The following KLHL13 variants were observed in gnomAD, a reference collection of about 807,000 sequenced individuals.
The protein encoded by KLHL13 is kelch-like protein 13.
KLHL13 carries 10 observed loss-of-function variants against 37.1 expected under a neutral mutation model. The observed-to-expected ratio is 0.27, with a 90% CI of 0.17 to 0.46. The LOEUF is 0.46. Ranked by LOEUF, KLHL13 falls within the 20% of genes least tolerant of loss-of-function variation. KLHL13 has a pLI of 1.00. For missense variants in KLHL13, 360 were observed against 509.3 expected, an observed-to-expected ratio of 0.71 and a Z score of 2.82; for synonymous variants, 163 against 181.2, an observed-to-expected ratio of 0.90 and a Z score of 0.81.
intron 1 of KLHL13, among the ~76,000 whole-genome samples, chrX:118,047,504 A>C (rs2054572094): frequency 8.9e-6 from 1 of 112,506 alleles, no homozygotes; most frequent in Non-Finnish European, 1.9e-5. Context: ...AAATAAGGAA[A>C]TAATATAAGC....
Position 117,915,799 on chromosome X carries a change from T to C in KLHL13, c.570+3722A>G, listed in dbSNP as rs142823895. ...CATAACAAAAGTTCCGTGGGGCAAA[T>C]GCTAGATGCTAAAAATTTCAAATTG... On this transcript the variant is annotated intron_variant, in intron 4 of 6. Coordinates refer to ENST00000262820, the Ensembl canonical transcript of KLHL13. Among the ~76,000 whole-genome samples the C allele has an allele frequency of 9.3e-3, 1,050 of 112,322 alleles. 16 individuals carry two copies. Among genetic ancestry groups the C allele is most frequent in the African/African-American group, 0.031 (974 of 30,982 alleles).
At chrX:117,956,380 C>A (rs1261350478) in intron 1 of KLHL13, among the ~76,000 whole-genome samples, 2 of 111,604 alleles carry the variant, frequency 1.8e-5, no homozygotes, top group Admixed American at 1.9e-4. Flanking sequence ...TGTAGAAACA[C>A]CATGTTCTCT....
chrX:118,101,204 C>T (rs2055283908), intron 1 of KLHL13, among the ~76,000 whole-genome samples: 1 of 111,413 alleles, frequency 9.0e-6, no homozygotes, highest in African/African-American at 3.3e-5. Context: ...ACAAAATTAC[C>T]CAGTCCTAGC....
intron 1 of KLHL13, among the ~76,000 whole-genome samples, chrX:118,035,658 A>T (rs1198945635): frequency 1.8e-5 from 2 of 110,970 alleles, no homozygotes; most frequent in Non-Finnish European, 3.8e-5. Context: ...CAAAAACTGG[A>T]AGCATTCCTT....
chrX:118,093,648 T>G (rs1184548879), intron 1 of KLHL13, among the ~76,000 whole-genome samples: 1 of 111,893 alleles, frequency 8.9e-6, no homozygotes, highest in East Asian at 2.8e-4. Flanking sequence ...AACAAATGAT[T>G]TTCAATAGGT....
Position 117,987,838 on chromosome X carries a change from T to TCAATAAAACTCAAA in KLHL13, c.-55-42264_-55-42263insTTTGAGTTTTATTG, listed in dbSNP as rs745569201. Among the ~76,000 whole-genome samples, 167 of 111,870 alleles carry TCAATAAAACTCAAA rather than the reference T, an allele frequency of 1.5e-3. 2 individuals carry two copies. The highest frequency in any genetic ancestry group is 5.2e-3 in the African/African-American group (162 of 30,918). The stretch of plus-strand genomic sequence containing the variant: ...CTTCTTTTTTATTGAGTGAAAAAAC[T>TCAATAAAACTCAAA]GACCAGTTGCCTTTCCACTAACTTA... On this transcript the variant is annotated intron_variant, in intron 1 of 6. Coordinates refer to the KLHL13 transcript ENST00000371882.
chrX:118,053,128 T>C (rs2054635284), intron 1 of KLHL13, among the ~76,000 whole-genome samples: 1 of 111,701 alleles, frequency 9.0e-6, no homozygotes, highest in South Asian at 3.8e-4. Context: ...GACCCAGCCA[T>C]CCCATTACTG....
intron 1 of KLHL13, among the ~76,000 whole-genome samples, chrX:118,018,982 TAGAC>T (rs927791078): frequency 1.8e-5 from 2 of 111,567 alleles, no homozygotes; most frequent in Non-Finnish European, 1.9e-5. Flanking sequence ...TTGGTACACA[TAGAC>T]AGAGTGAAAT....
At chrX:118,065,679 A>G (rs2054786902) in intron 1 of KLHL13, among the ~76,000 whole-genome samples, 1 of 111,667 alleles carries the variant, frequency 9.0e-6, no homozygotes, top group African/African-American at 3.3e-5. Context: ...AGAAGCAAGA[A>G]TAGCTTCCAA....
chrX:118,083,434 T>C (rs977062242), intron 1 of KLHL13, among the ~76,000 whole-genome samples: 1 of 111,763 alleles, frequency 8.9e-6, no homozygotes, highest in Non-Finnish European at 1.9e-5. Context: ...TGTGACAAAA[T>C]TGATGAACTT....
At chrX:117,922,268 T>C (rs1360478777) in intron 2 of KLHL13, among the ~76,000 whole-genome samples, 1 of 110,818 alleles carries the variant, frequency 9.0e-6, no homozygotes, top group Non-Finnish European at 1.9e-5. Context: ...CATTGATATA[T>C]GGGGTCTAAA....
rs1244654877 is a variant in KLHL13 at position 118,039,215 on chromosome X, C to T, written c.-56+77293G>A. On this transcript the variant is annotated intron_variant, in intron 1 of 6. Transcript: ENST00000371882. ...GAGCCATGCTGGCTTCACATGTGACCCAGAACATTCCTAGATGTGTTAGCT... is the reference window on the plus strand; with the variant it reads ...GAGCCATGCTGGCTTCACATGTGACTCAGAACATTCCTAGATGTGTTAGCT... Among the ~76,000 whole-genome samples, 3 of 111,964 alleles carry T rather than the reference C, an allele frequency of 2.7e-5. No homozygotes were observed. The Admixed American group carries it at 2.8e-4, about 11-fold the overall frequency.
intron 1 of KLHL13, among the ~76,000 whole-genome samples, chrX:118,065,301 A>C (rs982693067): frequency 2.7e-5 from 3 of 111,467 alleles, no homozygotes; most frequent in African/African-American, 9.8e-5. Flanking sequence ...ATTAAAATTC[A>C]TTTTAAAAGG....
chrX:118,023,541 T>C (rs1246992401), intron 1 of KLHL13, among the ~76,000 whole-genome samples: 2 of 111,873 alleles, frequency 1.8e-5, no homozygotes, highest in Non-Finnish European at 3.8e-5. Flanking sequence ...TAAAACTTTC[T>C]TAGTCAAAAA....
At chrX:118,103,449 C>T (rs763559395) in intron 1 of KLHL13, among the ~76,000 whole-genome samples, 6 of 110,674 alleles carry the variant, frequency 5.4e-5, no homozygotes, top group Admixed American at 9.7e-5. Context: ...TAGAAACAAC[C>T]CAAGTAGATA....
chrX:118,036,348 A>G (rs1252168503), intron 1 of KLHL13, among the ~76,000 whole-genome samples: 2 of 112,170 alleles, frequency 1.8e-5, no homozygotes, highest in Non-Finnish European at 3.8e-5. Context: ...AAACTATACT[A>G]CAAGGCTACA....
chrX:118,068,148 G>A (rs893583610), intron 1 of KLHL13, among the ~76,000 whole-genome samples: 3 of 110,968 alleles, frequency 2.7e-5, no homozygotes, highest in South Asian at 3.8e-4. Flanking sequence ...ATCACTGGCC[G>A]AAAGGTTATG....
intron 1 of KLHL13, among the ~76,000 whole-genome samples, chrX:118,017,142 T>C (rs981809524): frequency 9.0e-5 from 10 of 111,529 alleles, no homozygotes; most frequent in Admixed American, 8.7e-4. Flanking sequence ...TAAGCTTCAG[T>C]AGATCTCTGC....
chrX:117,904,558 G>A (rs774684751), intron 5 of KLHL13, among the ~76,000 whole-genome samples: 1 of 111,587 alleles, frequency 9.0e-6, no homozygotes, highest in Non-Finnish European at 1.9e-5. Flanking sequence ...TCTACTTCCT[G>A]TTTTGTAGGG....
Sources: gnomAD v4.1 joint callset for allele counts (sites outside exome capture counted in the v4.1 genomes callset) on GRCh38, gnomAD v4.1.1 for gene constraint, MANE v1.5 for transcripts, NCBI Gene and HGNC (gene_info 2026-07-23, HGNC 2026-07-21) for gene names.